The following TMED5 variants were observed in gnomAD, a reference collection of about 807,000 sequenced individuals.
TMED5 encodes the protein transmembrane p24 trafficking protein 5, also known as transmembrane emp24 domain-containing protein 5.
A neutral mutation model predicts 23.0 loss-of-function variants in TMED5; 27 were observed. That is an observed-to-expected ratio of 1.17 (90% CI 0.86 to 1.62). The LOEUF is 1.62. Ranked by LOEUF, TMED5 falls within the 40% of genes most tolerant of loss-of-function variation. The probability of loss-of-function intolerance (pLI) is 0.00; values close to 1 mark genes in which losing one functional copy is unlikely to be tolerated. For missense variants in TMED5, 248 were observed against 273.7 expected (o/e 0.91, Z 0.66); for synonymous variants, 97 against 100.8 (o/e 0.96, Z 0.23).
intron 2 of TMED5, among the ~76,000 whole-genome samples, chr1:93,158,649 C>T (rs1648160589): frequency 6.6e-6 from 1 of 150,838 alleles, no homozygotes; most frequent in South Asian, 2.1e-4. Context: ...CAGCTCACTG[C>T]AACCTCCGCC....
In TMED5 at chr1:93,154,248, T is replaced by A. The variant is rs1171072073; in HGVS notation, c.*422A>T. 1 of 160,872 alleles carries A rather than the reference T, an allele frequency of 6.2e-6. No homozygotes were observed. Among genetic ancestry groups the A allele is most frequent in the Admixed American group, 6.3e-5 (1 of 15,838 alleles). 10.0% of individuals were successfully genotyped at this position (160,872 alleles called of 1,614,324 possible). On this transcript the variant is annotated 3_prime_UTR_variant, in exon 4 of 4. Coordinates refer to ENST00000370282, the MANE Select transcript of TMED5 (RefSeq NM_016040.5). ...CATCATTAGGTAATTCTCAGGTGAT[T>A]TATAACTTAAAACTGAAAACTTCCA...
chr1:93,176,321 T>G (rs1001836907), intron 1 of TMED5, among the ~76,000 whole-genome samples: 2 of 152,148 alleles, frequency 1.3e-5, no homozygotes, highest in Non-Finnish European at 2.9e-5. Context: ...CTAGTGAAAG[T>G]CTGATAATTC....
At chr1:93,179,794 A>C (rs1412358899) in intron 1 of TMED5, 1 of 456,158 alleles carries the variant, frequency 2.2e-6, no homozygotes, top group African/African-American at 2.1e-5. Context: ...CGACATCACC[A>C]GTTCTGGCCT....
At chr1:93,160,362 A>G (rs1648224576) in intron 1 of TMED5, 136 bp from the exon 2 acceptor site, 5 of 521,736 alleles carry the variant, frequency 9.6e-6, no homozygotes, top group African/African-American at 1.9e-5. Context: ...TGAGCTAGAA[A>G]AGAACCAAAA....
intron 1 of TMED5, among the ~76,000 whole-genome samples, chr1:93,170,688 G>A (rs185394172): frequency 6.2e-4 from 94 of 152,354 alleles, no homozygotes; most frequent in African/African-American, 2.0e-3. Flanking sequence ...GCCAGCTGGG[G>A]TCCTGAGTCT....
At chr1:93,172,589 G>C (rs1006361579) in intron 1 of TMED5, among the ~76,000 whole-genome samples, 2 of 152,138 alleles carry the variant, frequency 1.3e-5, no homozygotes, top group Non-Finnish European at 2.9e-5. Flanking sequence ...AGGAGTTTGA[G>C]ACCAGCGGAG....
At chr1:93,178,285 C>T (rs1402658463) in intron 1 of TMED5, among the ~76,000 whole-genome samples, 1 of 152,156 alleles carries the variant, frequency 6.6e-6, no homozygotes, top group Non-Finnish European at 1.5e-5. Flanking sequence ...TTGTAGTGTC[C>T]ACTACACACT....
At chr1:93,172,071 C>T (rs1291908750) in intron 1 of TMED5, among the ~76,000 whole-genome samples, 4 of 152,118 alleles carry the variant, frequency 2.6e-5, no homozygotes, top group Non-Finnish European at 5.9e-5. Flanking sequence ...ACTTCCTCAA[C>T]TTAAGAACAT....
chr1:93,175,840 A>C (rs555680213), intron 1 of TMED5, among the ~76,000 whole-genome samples: 1 of 152,188 alleles, frequency 6.6e-6, no homozygotes, highest in Non-Finnish European at 1.5e-5. Flanking sequence ...CCCTTAAAAA[A>C]GTATTGTTGT....
intron 2 of TMED5, among the ~76,000 whole-genome samples, chr1:93,159,740 G>A (rs1648204355): frequency 6.6e-6 from 1 of 151,884 alleles, no homozygotes; most frequent in Admixed American, 6.6e-5. Context: ...GAAAACTATG[G>A]ACAAAAATGG....
At chr1:93,169,881 G>GCACACACACA (rs1444886174) in intron 1 of TMED5, among the ~76,000 whole-genome samples, 1 of 34,786 alleles carries the variant, frequency 2.9e-5, no homozygotes, top group Non-Finnish European at 6.0e-5. Flanking sequence ...GACCCTGTCT[G>GCACACACACA]TACACACACA....
chr1:93,173,856 C>T (rs1648815444), intron 1 of TMED5, among the ~76,000 whole-genome samples: 1 of 152,198 alleles, frequency 6.6e-6, no homozygotes, highest in Non-Finnish European at 1.5e-5. Flanking sequence ...ATGTGTTTCA[C>T]CCCATCAAAC....
intron 1 of TMED5, among the ~76,000 whole-genome samples, chr1:93,170,566 C>T (rs1043454856): frequency 2.6e-5 from 4 of 152,228 alleles, no homozygotes; most frequent in African/African-American, 9.6e-5. Flanking sequence ...CCACTCCCTG[C>T]TCCACGGCAC....
chr1:93,165,641 A>AT (rs2101144926), intron 1 of TMED5, among the ~76,000 whole-genome samples: 1 of 152,376 alleles, frequency 6.6e-6, no homozygotes, highest in South Asian at 2.1e-4. Flanking sequence ...TGCAATGCAT[A>AT]TTAACCACAT....
intron 2 of TMED5, among the ~76,000 whole-genome samples, chr1:93,158,562 T>C (rs1312695998): frequency 6.6e-6 from 1 of 150,964 alleles, no homozygotes; most frequent in Non-Finnish European, 1.5e-5. Context: ...ACTTAAAAGA[T>C]GAACTACATT....
intron 1 of TMED5, among the ~76,000 whole-genome samples, chr1:93,166,131 A>G (rs1648497265): frequency 6.6e-6 from 1 of 152,222 alleles, no homozygotes; most frequent in Admixed American, 6.5e-5. Flanking sequence ...TCCATTGTGT[A>G]TAAGCACCAC....
chr1:93,156,020 T>G, intron 3 of TMED5: 4 of 1,387,784 alleles, frequency 2.9e-6, no homozygotes, highest in Non-Finnish European at 1.9e-6. Flanking sequence ...ACTGCACATT[T>G]ATAAAACAAA....
intron 1 of TMED5, among the ~76,000 whole-genome samples, chr1:93,176,559 G>T (rs1373035876): frequency 6.6e-6 from 1 of 151,972 alleles, no homozygotes; most frequent in Non-Finnish European, 1.5e-5. Flanking sequence ...TTGAGGCAGG[G>T]TCTCGCTCTT....
Position 93,152,834 on chromosome 1 carries a change from T to C in TMED5, c.*1836A>G, listed in dbSNP as rs537770412. 1.3e-5 allele frequency: 2 copies of C among 152,688 alleles called. No homozygotes were observed. The highest frequency in any genetic ancestry group is 1.9e-4 in the East Asian group (1 of 5,188). 9.5% of individuals were successfully genotyped at this position (152,688 alleles called of 1,614,324 possible). Reference sequence around the variant, plus strand: ...GGGGTATTCATAGGCAAGGATCTTATTGACCTTTGTTCTGCAAGTGTTGCA... The same window carrying C: ...GGGGTATTCATAGGCAAGGATCTTACTGACCTTTGTTCTGCAAGTGTTGCA... On this transcript the variant is annotated 3_prime_UTR_variant, in exon 4 of 4. Coordinates refer to ENST00000370282, the MANE Select transcript of TMED5 (RefSeq NM_016040.5).
Sources: allele counts gnomAD v4.1 joint callset (sites outside exome capture counted in the v4.1 genomes callset), GRCh38; gene constraint gnomAD v4.1.1; transcripts MANE v1.5; gene names NCBI Gene and HGNC (gene_info 2026-07-23, HGNC 2026-07-21).